TASOR2: variants seen among roughly 807,000 people sequenced by gnomAD.
The protein encoded by TASOR2 is transcription activation suppressor family member 2, also known as protein TASOR 2.
In TASOR2, 84 loss-of-function variants were observed where a neutral mutation model predicts 199.5. The observed-to-expected ratio is 0.42, with a 90% CI of 0.35 to 0.50. The LOEUF (loss-of-function observed/expected upper bound fraction) is 0.50. Ranked by LOEUF, TASOR2 falls within the 20% of genes least tolerant of loss-of-function variation. The pLI is 0.02. For synonymous variants in TASOR2, 1,103 were observed against 1,046.6 expected (o/e 1.05, Z -1.04); for missense variants, 2,796 against 2,835.9 (o/e 0.99, Z 0.32).
rs1411930034 is a variant in TASOR2 at position 5,751,705 on chromosome 10, A to T, written c.6606+1678A>T. Among the ~76,000 whole-genome samples the T allele has an allele frequency of 6.6e-6, 1 of 152,206 alleles. No homozygotes were observed. Among genetic ancestry groups the T allele is most frequent in the Non-Finnish European group, 1.5e-5 (1 of 68,044 alleles). ...CTGTGACTCTTTAGTGAAGAATGGC[A>T]TTTAGAACCACCATCTAGGCACTGC... On this transcript the variant is annotated intron_variant, in intron 15 of 20. Transcript: ENST00000328090. This position sits in a 1 kb window ranked among gnomAD's most constrained non-coding sequence, Gnocchi z 5.3.
intron 12 of TASOR2, among the ~76,000 whole-genome samples, chr10:5,736,018 A>T (rs890585342): frequency 1.2e-4 from 18 of 152,140 alleles, no homozygotes; most frequent in Admixed American, 1.1e-3. Context: ...AATCACTGCA[A>T]CCTTGACCTC....
exon 15 of TASOR2, chr10:5,749,400 G>A: frequency 6.2e-7 from 1 of 1,614,158 alleles, no homozygotes; most frequent in Non-Finnish European, 8.5e-7. Flanking sequence ...TAAAGAATGG[G>A]GATTCTCAGC....
In TASOR2 at chr10:5,748,790, A is replaced by G; in HGVS notation, c.5369A>G (p.Glu1790Gly). 6.2e-7 allele frequency: 1 copy of G among 1,614,194 alleles called. No homozygotes were observed. Among genetic ancestry groups the G allele is most frequent in the South Asian group, 1.1e-5 (1 of 91,084 alleles). Residue 1790 changes from glutamate (E) to glycine (G), a missense_variant, in exon 15 of 21, where the codon GAG (glutamate) becomes GGG (glycine). Glu to Gly is a moderately conservative substitution (Grantham distance 98, BLOSUM62 -2). This residue lies in a region of TASOR2 where 1,941 missense variants were observed against 1,924.9 expected (regional missense o/e 1.01). Coordinates refer to ENST00000328090, the Ensembl canonical transcript of TASOR2. This position sits in a 1 kb window ranked among gnomAD's most constrained non-coding sequence, Gnocchi z 5.1. Reference sequence around the variant, plus strand: ...ACTTCTGTTTGTGGAATAGCCACAGAGCACGTAGAAATTGAGAACAGTGGG... The same window carrying G: ...ACTTCTGTTTGTGGAATAGCCACAGGGCACGTAGAAATTGAGAACAGTGGG...
chr10:5,705,148 TGTA>T (rs564116058), intron 1 of TASOR2, among the ~76,000 whole-genome samples: 46 of 152,320 alleles, frequency 3.0e-4, no homozygotes, highest in African/African-American at 1.1e-3. Flanking sequence ...ATACCCCACT[TGTA>T]GTCAATTTTC....
At chr10:5,741,660 T>C (rs1300316083) in intron 13 of TASOR2, among the ~76,000 whole-genome samples, 1 of 152,214 alleles carries the variant, frequency 6.6e-6, no homozygotes. Flanking sequence ...CTTCAGACTT[T>C]CTCAATTATT....
exon 8 of TASOR2, chr10:5,724,486 G>T: frequency 1.3e-6 from 2 of 1,529,094 alleles, no homozygotes; most frequent in South Asian, 2.6e-5. Context: ...AAACAGACAA[G>T]GGGAAAATAT....
Position 5,685,269 on chromosome 10 carries a change from T to C in TASOR2, c.-288+94T>C, listed in dbSNP as rs1339434490. On this transcript the variant is annotated intron_variant, in intron 1 of 20. Coordinates refer to ENST00000328090, the Ensembl canonical transcript of TASOR2. The surrounding 1 kb of genome is among the most constrained non-coding windows in gnomAD (Gnocchi z 5.4). ...GCTCGGGCAGCTGCCGGGGCTTGGC[T>C]GCGAGGGTCGACGCGTTCTCCTTGC... 4 of 397,040 alleles carry C rather than the reference T, an allele frequency of 1.0e-5. No individual in the cohort carries two copies. Among genetic ancestry groups the C allele is most frequent in the Non-Finnish European group, 1.8e-5 (4 of 225,140 alleles). 24.6% of individuals were successfully genotyped at this position (397,040 alleles called of 1,614,324 possible).
At chr10:5,733,336 C>T (rs767321066) in intron 11 of TASOR2, among the ~76,000 whole-genome samples, 43 of 151,938 alleles carry the variant, frequency 2.8e-4, no homozygotes, top group African/African-American at 4.8e-4. Context: ...GGTGAAACCC[C>T]GTCTCTACTA....
intron 2 of TASOR2, among the ~76,000 whole-genome samples, chr10:5,715,195 G>A (rs1425816527): frequency 1.3e-5 from 2 of 150,170 alleles, no homozygotes; most frequent in South Asian, 2.1e-4. Context: ...AAGATTATCG[G>A]GCTTCATGGC....
chr10:5,693,654 C>G (rs1193243761), intron 1 of TASOR2, among the ~76,000 whole-genome samples: 1 of 152,212 alleles, frequency 6.6e-6, no homozygotes, highest in Non-Finnish European at 1.5e-5. Flanking sequence ...CCCACAAAAC[C>G]ACAACTATAA....
exon 7 of TASOR2, chr10:5,723,701 T>C (rs979272899): frequency 3.3e-5 from 53 of 1,591,854 alleles, no homozygotes; most frequent in Non-Finnish European, 2.5e-5. Context: ...ATTTTAAATA[T>C]GTAATGAAAG....
At chr10:5,733,974 C>T (rs979963039) in intron 11 of TASOR2, among the ~76,000 whole-genome samples, 19 of 152,204 alleles carry the variant, frequency 1.2e-4, no homozygotes, top group South Asian at 4.1e-4. Context: ...CTATTCATTT[C>T]GCTAACCCCC....
chr10:5,709,620 T>A, intron 1 of TASOR2: 1 of 1,231,200 alleles, frequency 8.1e-7, no homozygotes, highest in Non-Finnish European at 1.0e-6. Flanking sequence ...CCCAGCTACA[T>A]TCTCTCTTAG....
intron 13 of TASOR2, among the ~76,000 whole-genome samples, chr10:5,741,321 G>C (rs1836394409): frequency 6.6e-6 from 1 of 152,218 alleles, no homozygotes; most frequent in Non-Finnish European, 1.5e-5. Context: ...ATCACTGTTA[G>C]CAAGCATTCA....
Position 5,690,501 on chromosome 10 carries a change from A to G in TASOR2, c.-288+5326A>G, listed in dbSNP as rs1451473218. Among the ~76,000 whole-genome samples the G allele has an allele frequency of 6.6e-6, 1 of 152,132 alleles. No individual in the cohort carries two copies. Among genetic ancestry groups the G allele is most frequent in the Non-Finnish European group, 1.5e-5 (1 of 68,028 alleles). ...TACTTTACCCTTGTGCATATCCCCT[A>G]TTTATCTGTGCCCAGGACATTTTGC... On this transcript the variant is annotated intron_variant, in intron 1 of 20. Coordinates refer to ENST00000328090, the Ensembl canonical transcript of TASOR2. This position sits in a 1 kb window ranked among gnomAD's most constrained non-coding sequence, Gnocchi z 4.8.
At chr10:5,749,211 A>T in exon 15 of TASOR2, 1 of 1,614,110 alleles carries the variant, frequency 6.2e-7, no homozygotes, top group South Asian at 1.1e-5. Context: ...ACTTCTCTAT[A>T]ACAAAAGAAC....
chr10:5,715,109 G>A (rs1832439050), intron 2 of TASOR2, among the ~76,000 whole-genome samples: 2 of 151,998 alleles, frequency 1.3e-5, no homozygotes, highest in Admixed American at 6.6e-5. Flanking sequence ...TTCACGGAAA[G>A]CAGAAAGATC....
At chr10:5,753,791 C>T (rs1564365078) in intron 15 of TASOR2, among the ~76,000 whole-genome samples, 1 of 152,224 alleles carries the variant, frequency 6.6e-6, no homozygotes, top group Non-Finnish European at 1.5e-5. Flanking sequence ...TCTTCACTCT[C>T]TTCAGTCTTT....
intron 18 of TASOR2, 117 bp from the exon 20 acceptor site, chr10:5,761,171 AAG>A (rs1839767533): frequency 1.2e-6 from 1 of 802,310 alleles, no homozygotes; most frequent in East Asian, 2.6e-5. Context: ...TGTCATGAAA[AAG>A]AACGTCAAGA....
Sources: allele counts gnomAD v4.1 joint callset (sites outside exome capture counted in the v4.1 genomes callset), GRCh38; gene constraint gnomAD v4.1.1; regional missense constraint gnomAD v4.1.1; non-coding constraint Gnocchi (gnomAD v3.1); transcripts MANE v1.5; gene names NCBI Gene and HGNC (gene_info 2026-07-23, HGNC 2026-07-21).